Variants in KCTD8 observed in about 807,000 individuals in gnomAD.
KCTD8 encodes the protein potassium channel tetramerization domain containing 8.
A neutral mutation model predicts 31.5 loss-of-function variants in KCTD8; 27 were observed. That is an observed-to-expected ratio of 0.86 (90% confidence interval 0.63 to 1.18). The LOEUF (loss-of-function observed/expected upper bound fraction) is 1.18. Ranked by LOEUF, KCTD8 falls within the 50% of genes most tolerant of loss-of-function variation. The pLI is 0.00. For missense variants in KCTD8, 658 were observed against 647.7 expected (o/e 1.02, Z -0.17); for synonymous variants, 290 against 280.0 (o/e 1.04, Z -0.36).
chr4:44,423,064 G>C (rs992677044), intron 1 of KCTD8, among the ~76,000 whole-genome samples: 2 of 151,994 alleles, frequency 1.3e-5, no homozygotes, highest in African/African-American at 2.4e-5. Flanking sequence ...TACCCCCCGG[G>C]GAACATCTGA....
Position 44,354,216 on chromosome 4 carries a change from T to C in KCTD8, c.961+93347A>G, listed in dbSNP as rs550506444. Among the ~76,000 whole-genome samples the C allele has an allele frequency of 3.3e-5, 5 of 152,206 alleles. No homozygotes were observed. In the South Asian group the frequency reaches 6.2e-4, roughly 19 times the overall value. On this transcript the variant is annotated intron_variant, in intron 1 of 1. Transcript: ENST00000360029. ...GCTTAAACATATTTAAGTTCATTTG[T>C]TGTGTGTGTGTGTTTATTTGTCTGT...
chr4:44,446,648 C>T (rs1413956738), intron 1 of KCTD8, among the ~76,000 whole-genome samples: 1 of 152,162 alleles, frequency 6.6e-6, no homozygotes, highest in African/African-American at 2.4e-5. Context: ...GATGCTTTCC[C>T]AAATCTATTC....
At chr4:44,328,772 T>A (rs1405604412) in intron 1 of KCTD8, among the ~76,000 whole-genome samples, 3 of 151,956 alleles carry the variant, frequency 2.0e-5, no homozygotes, top group African/African-American at 7.3e-5. Context: ...TACCCATAAG[T>A]AATTTTGGAA....
chr4:44,243,521 T>C (rs759213446), intron 1 of KCTD8, among the ~76,000 whole-genome samples: 2 of 152,192 alleles, frequency 1.3e-5, no homozygotes, highest in Non-Finnish European at 2.9e-5. Flanking sequence ...TCTTCATAAA[T>C]AAAGGCAAGG....
intron 1 of KCTD8, among the ~76,000 whole-genome samples, chr4:44,376,669 C>A (rs1053638419): frequency 3.3e-5 from 5 of 152,256 alleles, no homozygotes; most frequent in African/African-American, 1.2e-4. Context: ...AAAAGTGATG[C>A]TTTTCACCAA....
At chr4:44,334,610 T>C (rs1577621702) in intron 1 of KCTD8, among the ~76,000 whole-genome samples, 1 of 152,092 alleles carries the variant, frequency 6.6e-6, no homozygotes, top group African/African-American at 2.4e-5. Flanking sequence ...TGTCATAATG[T>C]GCAGCCATTT....
At chr4:44,282,792 C>T (rs1716936531) in intron 1 of KCTD8, among the ~76,000 whole-genome samples, 1 of 151,966 alleles carries the variant, frequency 6.6e-6, no homozygotes, top group African/African-American at 2.4e-5. Flanking sequence ...AAAGTCTAAT[C>T]CACAGAAAGG....
intron 1 of KCTD8, among the ~76,000 whole-genome samples, chr4:44,380,039 A>G (rs1720019549): frequency 6.6e-6 from 1 of 151,814 alleles, no homozygotes; most frequent in Admixed American, 6.6e-5. Flanking sequence ...GCTTATACAG[A>G]TATACATACT....
intron 1 of KCTD8, among the ~76,000 whole-genome samples, chr4:44,218,419 C>A (rs1714713094): frequency 6.6e-6 from 1 of 151,468 alleles, no homozygotes; most frequent in South Asian, 2.1e-4. Context: ...CAGGCATGAG[C>A]CACTGTGCCC....
intron 1 of KCTD8, among the ~76,000 whole-genome samples, chr4:44,373,849 C>A (rs1488831298): frequency 6.6e-6 from 1 of 152,168 alleles, no homozygotes; most frequent in Non-Finnish European, 1.5e-5. Context: ...CTTTCATTCT[C>A]ATTTCAGATG....
chr4:44,333,507 G>C (rs1442998797), intron 1 of KCTD8, among the ~76,000 whole-genome samples: 1 of 152,052 alleles, frequency 6.6e-6, no homozygotes, highest in African/African-American at 2.4e-5. Context: ...AAGCTGGGTA[G>C]GTATAACTAA....
intron 1 of KCTD8, among the ~76,000 whole-genome samples, chr4:44,312,806 G>A (rs1577609627): frequency 6.6e-6 from 1 of 152,084 alleles, no homozygotes; most frequent in Admixed American, 6.6e-5. Flanking sequence ...ATTGATCCAG[G>A]TAGTCTCCTG....
At position 44,198,885 on chromosome 4, in the gene KCTD8, C is replaced by A. The variant is rs1483474994; in HGVS notation, c.962-23635G>T. Among the ~76,000 whole-genome samples, 4 of 152,028 alleles carry A rather than the reference C, an allele frequency of 2.6e-5. No individual in the cohort carries two copies. In the East Asian group the frequency reaches 7.7e-4, roughly 29 times the overall value. ...GGCAAGCTGGATAAAAAGACAAGAC[C>A]CAACAGTCGCTGTCTTCAAAAAACC... On this transcript the variant is annotated intron_variant, in intron 1 of 1. Transcript: ENST00000360029.
intron 1 of KCTD8, among the ~76,000 whole-genome samples, chr4:44,262,169 C>A (rs1048274722): frequency 2.6e-5 from 4 of 152,016 alleles, no homozygotes; most frequent in African/African-American, 9.7e-5. Flanking sequence ...CTGGGTTTCA[C>A]AATAAGAAAG....
At chr4:44,263,698 G>T (rs1296142798) in intron 1 of KCTD8, among the ~76,000 whole-genome samples, 1 of 152,064 alleles carries the variant, frequency 6.6e-6, no homozygotes, top group African/African-American at 2.4e-5. Context: ...ATTAGTGATG[G>T]CTTAAAATGC....
chr4:44,256,620 T>TG (rs1219382319), intron 1 of KCTD8, among the ~76,000 whole-genome samples: 1 of 151,872 alleles, frequency 6.6e-6, no homozygotes, highest in Non-Finnish European at 1.5e-5. Flanking sequence ...GGTCACAAGA[T>TG]GGGGTACTTA....
chr4:44,217,050 G>GGTTTTT (rs61024696), intron 1 of KCTD8, among the ~76,000 whole-genome samples: 18,162 of 152,002 alleles, frequency 0.12, 1,363 homozygotes, highest in East Asian at 0.24. Context: ...CTAACCTTTA[G>GGTTTTT]AACTCTATGA....
intron 1 of KCTD8, among the ~76,000 whole-genome samples, chr4:44,437,223 G>T (rs1314816641): frequency 6.6e-6 from 1 of 152,090 alleles, no homozygotes; most frequent in African/African-American, 2.4e-5. Context: ...GCCTCAAGAA[G>T]TGGCCAAGGA....
intron 1 of KCTD8, among the ~76,000 whole-genome samples, chr4:44,386,961 T>A (rs1720239104): frequency 6.6e-6 from 1 of 151,748 alleles, no homozygotes; most frequent in Admixed American, 6.6e-5. Context: ...GAGGACATTA[T>A]CCTATACCTA....
Sources: allele counts gnomAD v4.1 joint callset (sites outside exome capture counted in the v4.1 genomes callset), GRCh38; gene constraint gnomAD v4.1.1; transcripts MANE v1.5; gene names NCBI Gene and HGNC (gene_info 2026-07-23, HGNC 2026-07-21).